CACNA1I: variants seen among roughly 807,000 people sequenced by gnomAD.
CACNA1I encodes voltage-dependent T-type calcium channel subunit alpha-1I.
A neutral mutation model predicts 201.6 loss-of-function variants in CACNA1I; 74 were observed. That is an observed-to-expected ratio of 0.37 (90% CI 0.30 to 0.45). CACNA1I has a LOEUF of 0.45. Ranked by LOEUF, CACNA1I falls within the 20% of genes least tolerant of loss-of-function variation. CACNA1I has a pLI of 1.00. For missense variants in CACNA1I, 2,346 were observed against 3,138.1 expected (o/e 0.75, Z 6.03); for synonymous variants, 1,431 against 1,345.2 (o/e 1.06, Z -1.40).
At position 39,686,758 on chromosome 22, in the gene CACNA1I, C is replaced by T. The variant is rs1335263730; in HGVS notation, c.*353C>T. On this transcript the variant is annotated 3_prime_UTR_variant, in exon 37 of 37. Transcript: ENST00000402142. ...CTAAAGGTGGGAGGTGGGCCAGGGCCTGGACGGGGCTTTTGTCTGATGCTC... is the reference window on the plus strand; with the variant it reads ...CTAAAGGTGGGAGGTGGGCCAGGGCTTGGACGGGGCTTTTGTCTGATGCTC... 4 of 151,514 alleles carry T rather than the reference C, an allele frequency of 2.6e-5. No homozygotes were observed. The highest frequency in any genetic ancestry group is 5.9e-5 in the Non-Finnish European group (4 of 67,896). The allele number at this position is 151,514 out of a possible 1,614,324, so 9.4% of individuals were successfully genotyped here.
chr22:39,677,841 CTCAGTTTA>C lies in CACNA1I; in HGVS notation c.4934-143_4934-136del. On this transcript the variant is annotated intron_variant, in intron 30 of 36. Coordinates refer to ENST00000402142, the MANE Select transcript of CACNA1I (RefSeq NM_021096.4). This position sits in a 1 kb window ranked among gnomAD's most constrained non-coding sequence, Gnocchi z 4.8. ...CAGCTCATGTGCCATCTCCCCGAGC[CTCAGTTTA>C]TCTGTGGGCTGGGCACAGTCTGCAG... is the stretch of plus-strand genomic sequence containing the variant. 1.1e-6 allele frequency: 1 copy of C among 890,480 alleles called. No individual in the cohort carries two copies. Among genetic ancestry groups the C allele is most frequent in the Non-Finnish European group, 1.7e-6 (1 of 605,550 alleles). 55.2% of individuals were successfully genotyped at this position (890,480 alleles called of 1,614,324 possible).
At chr22:39,620,903 A>G (rs1933725517) in intron 4 of CACNA1I, among the ~76,000 whole-genome samples, 1 of 152,054 alleles carries the variant, frequency 6.6e-6, no homozygotes, top group Non-Finnish European at 1.5e-5. Context: ...GACTACAGGC[A>G]TGTGCCACCA....
At chr22:39,579,567 C>A (rs1050781212) in intron 1 of CACNA1I, among the ~76,000 whole-genome samples, 2 of 151,766 alleles carry the variant, frequency 1.3e-5, no homozygotes, top group African/African-American at 4.8e-5. Flanking sequence ...CCTCAGGAAG[C>A]TTTTACTCAT....
chr22:39,614,139 T>C (rs549999715), intron 3 of CACNA1I, among the ~76,000 whole-genome samples: 5 of 152,198 alleles, frequency 3.3e-5, no homozygotes, highest in Non-Finnish European at 5.9e-5. Flanking sequence ...TGAGCCACCA[T>C]GCTGGGCCTG....
At position 39,688,236 on chromosome 22, in the gene CACNA1I, C is replaced by T. The variant is rs1383954310; in HGVS notation, c.*1831C>T. ...GGTGTGGAGGGCCCTACTCCACACC[C>T]TAGAGCTGTGATGCTGAGCAAGGTG... On this transcript the variant is annotated 3_prime_UTR_variant, in exon 37 of 37. Coordinates refer to ENST00000402142, the MANE Select transcript of CACNA1I (RefSeq NM_021096.4). This position sits in a 1 kb window ranked among gnomAD's most constrained non-coding sequence, Gnocchi z 4.8. The T allele has an allele frequency of 6.6e-6, 1 of 152,362 alleles. No homozygotes were observed. Among genetic ancestry groups the T allele is most frequent in the Non-Finnish European group, 1.5e-5 (1 of 68,198 alleles). The allele number at this position is 152,362 out of a possible 1,614,324, so 9.4% of individuals were successfully genotyped here.
chr22:39,610,359 A>G lies in CACNA1I; in HGVS notation c.483-8951A>G, dbSNP rs1224486118. 3.3e-5 allele frequency among the ~76,000 whole-genome samples: 5 copies of G among 152,308 alleles called. No individual in the cohort carries two copies. In the East Asian group the frequency reaches 9.6e-4, roughly 29 times the overall value. ...AGGATATCTGGAGCCATTTTCTTTA[A>G]GCTGAGCTGCCGTTGGGTGGGCGTG... On this transcript the variant is annotated intron_variant, in intron 3 of 36. Transcript: ENST00000402142.
intron 34 of CACNA1I, among the ~76,000 whole-genome samples, chr22:39,682,190 G>A (rs1815705767): frequency 6.6e-6 from 1 of 152,194 alleles, no homozygotes; most frequent in African/African-American, 2.4e-5. Context: ...TCATGCTCAT[G>A]GGACACTCGT....
intron 1 of CACNA1I, among the ~76,000 whole-genome samples, chr22:39,578,997 C>T (rs1037909996): frequency 6.6e-6 from 1 of 152,108 alleles, no homozygotes; most frequent in Admixed American, 6.5e-5. Context: ...AGGAAGTCTT[C>T]CCTTTTCCTC....
chr22:39,684,222 T>C lies in CACNA1I; in HGVS notation c.5831-80T>C. 1 of 1,236,132 alleles carries C rather than the reference T, an allele frequency of 8.1e-7. No individual in the cohort carries two copies. The highest frequency in any genetic ancestry group is 2.5e-5 in the East Asian group (1 of 40,556). 76.6% of individuals were successfully genotyped at this position (1,236,132 alleles called of 1,614,324 possible). The stretch of plus-strand genomic sequence containing the variant: ...CCCCTCACTGCTGGCCCAGTGAGAT[T>C]GGTGCTCAATGCCACCTTCCAGGGG... On this transcript the variant is annotated intron_variant, in intron 35 of 36. Transcript: ENST00000402142. This position sits in a 1 kb window ranked among gnomAD's most constrained non-coding sequence, Gnocchi z 4.6.
chr22:39,635,437 C>T (rs917626541), intron 5 of CACNA1I, among the ~76,000 whole-genome samples: 1 of 152,130 alleles, frequency 6.6e-6, no homozygotes, highest in East Asian at 1.9e-4. Flanking sequence ...AATCATGGAC[C>T]GAGGTGACTG....
chr22:39,673,729 C>T (rs1935440224), intron 28 of CACNA1I, among the ~76,000 whole-genome samples: 1 of 152,208 alleles, frequency 6.6e-6, no homozygotes, highest in African/African-American at 2.4e-5. Flanking sequence ...ATGCCCCGTC[C>T]TCGGGGGCTT....
chr22:39,592,945 T>C (rs1932839422), intron 1 of CACNA1I, among the ~76,000 whole-genome samples: 1 of 152,220 alleles, frequency 6.6e-6, no homozygotes, highest in Non-Finnish European at 1.5e-5. Context: ...GTGGGGAGTG[T>C]GTCAGGAACC....
intron 1 of CACNA1I, among the ~76,000 whole-genome samples, chr22:39,583,023 A>G (rs1208509669): frequency 1.7e-5 from 2 of 115,598 alleles, no homozygotes; most frequent in Admixed American, 8.4e-5. Flanking sequence ...TTTCCATCCA[A>G]GCACCCAACC....
chr22:39,584,548 G>A (rs1932679572), intron 1 of CACNA1I, among the ~76,000 whole-genome samples: 1 of 152,184 alleles, frequency 6.6e-6, no homozygotes, highest in South Asian at 2.1e-4. Flanking sequence ...CAGGAGAGGA[G>A]ATGGGAGACC....
intron 3 of CACNA1I, 111 bp downstream of exon 3, chr22:39,600,764 G>A (rs1216592017): frequency 2.3e-6 from 3 of 1,278,346 alleles, no homozygotes; most frequent in Non-Finnish European, 2.1e-6. Context: ...GTGATGCGTG[G>A]GACCCTCCTG....
chr22:39,587,736 C>T (rs558740860), intron 1 of CACNA1I: 13 of 451,586 alleles, frequency 2.9e-5, no homozygotes, highest in African/African-American at 1.4e-4. Flanking sequence ...AGCAGGTGCC[C>T]TAGCAGGTGC....
chr22:39,586,176 C>A (rs993706339), intron 1 of CACNA1I, among the ~76,000 whole-genome samples: 1 of 149,272 alleles, frequency 6.7e-6, no homozygotes, highest in Non-Finnish European at 1.5e-5. Context: ...GACTCCATCT[C>A]AAAAAAAAAT....
chr22:39,606,546 T>C (rs1457709319), intron 3 of CACNA1I, among the ~76,000 whole-genome samples: 1 of 152,208 alleles, frequency 6.6e-6, no homozygotes, highest in African/African-American at 2.4e-5. Flanking sequence ...TTATTATTCT[T>C]TTTTGAGACA....
In CACNA1I at chr22:39,685,790, C is replaced by CTGGGG; in HGVS notation, c.6057_6058insTGGGG (p.Ser2020TrpfsTer19). 1 of 1,495,604 alleles carries CTGGGG rather than the reference C, an allele frequency of 6.7e-7. No homozygotes were observed. Among genetic ancestry groups the CTGGGG allele is most frequent in the Non-Finnish European group, 8.8e-7 (1 of 1,130,074 alleles). 92.6% of individuals were successfully genotyped at this position (1,495,604 alleles called of 1,614,324 possible). On this transcript the variant is annotated frameshift_variant, in exon 37 of 37. Coordinates refer to ENST00000402142, the MANE Select transcript of CACNA1I (RefSeq NM_021096.4). LOFTEE classifies it low-confidence loss of function (END_TRUNC). The surrounding 1 kb of genome is among the most constrained non-coding windows in gnomAD (Gnocchi z 5.0). ...CCGGGAGCGACACGTCGCTGGACGC[C>CTGGGG]AGCCCCAGCAGCTCCGCGGGCAGCC...
Sources: gnomAD v4.1 joint callset for allele counts (sites outside exome capture counted in the v4.1 genomes callset) on GRCh38, gnomAD v4.1.1 for gene constraint, Gnocchi (gnomAD v3.1) non-coding constraint, MANE v1.5 for transcripts, NCBI Gene and HGNC (gene_info 2026-07-23, HGNC 2026-07-21) for gene names.